The following SDF4 variants were observed in gnomAD, a reference collection of about 807,000 sequenced individuals.
The protein encoded by SDF4 is stromal cell derived factor 4, also known as 45 kDa calcium-binding protein.
In SDF4, 22 loss-of-function variants were observed where a neutral mutation model predicts 34.2. The observed-to-expected ratio is 0.64, with a 90% CI of 0.46 to 0.92. The LOEUF is 0.92. Ranked by LOEUF, SDF4 falls within the 40% of genes least tolerant of loss-of-function variation. The pLI, the probability that SDF4 is intolerant of heterozygous loss-of-function variation, is 0.00. For synonymous variants in SDF4, 236 were observed against 203.1 expected (o/e 1.16, Z -1.38); for missense variants, 447 against 499.9 (o/e 0.89, Z 1.01).
intron 4 of SDF4, chr1:1,219,521 G>A: frequency 2.0e-6 from 2 of 992,710 alleles, no homozygotes; most frequent in Non-Finnish European, 2.4e-6. Flanking sequence ...CTTCACGTGT[G>A]ACGTCACAGG....
In SDF4 at chr1:1,217,445, A is replaced by G; in HGVS notation, c.*67T>C. The G allele has an allele frequency of 3.0e-6, 4 of 1,311,536 alleles. No homozygotes were observed. Among genetic ancestry groups the G allele is most frequent in the Non-Finnish European group, 3.9e-6 (4 of 1,014,900 alleles). 81.2% of individuals were successfully genotyped at this position (1,311,536 alleles called of 1,614,324 possible). On this transcript the variant is annotated 3_prime_UTR_variant, in exon 7 of 7. Transcript: ENST00000360001. The surrounding 1 kb of genome is among the most constrained non-coding windows in gnomAD (Gnocchi z 8.5). ...GAGGTGGGGTCCGGGACAGCCACGGAGCCCGGAGTCACCCGCGAGGCCGCC... is the reference window on the plus strand; with the variant it reads ...GAGGTGGGGTCCGGGACAGCCACGGGGCCCGGAGTCACCCGCGAGGCCGCC...
intron 4 of SDF4, chr1:1,220,410 C>A: frequency 8.5e-7 from 1 of 1,172,252 alleles, no homozygotes; most frequent in South Asian, 1.7e-5. Flanking sequence ...ACGCGGTGAC[C>A]CTCGCAGGAG....
chr1:1,222,168 G>A (rs540815832), intron 4 of SDF4, among the ~76,000 whole-genome samples: 152 of 152,340 alleles, frequency 1.0e-3, no homozygotes, highest in South Asian at 1.9e-3. Flanking sequence ...AGGCGACTCT[G>A]CACGTTCTCC....
At position 1,228,735 on chromosome 1, in the gene SDF4, G is replaced by A. The variant is rs774281829; in HGVS notation, c.38C>T (p.Pro13Leu). 6 of 1,612,340 alleles carry A rather than the reference G, an allele frequency of 3.7e-6. No individual in the cohort carries two copies. Among genetic ancestry groups the A allele is most frequent in the Admixed American group, 1.7e-5 (1 of 59,982 alleles). Residue 13 changes from proline (P) to leucine (L), a missense_variant, in exon 2 of 7, where the codon CCG becomes CTG. Physicochemically the swap from Pro to Leu is moderately conservative, Grantham distance 98. Transcript: ENST00000360001. ...TGCCCCCAGGAGCCAGAGGCAGCACGGAGCCAGGCCAATGAGGGGACCCCA... is the reference window on the plus strand; with the variant it reads ...TGCCCCCAGGAGCCAGAGGCAGCACAGAGCCAGGCCAATGAGGGGACCCCA... Reference protein sequence around the residue: ...SRWGPLIGLAPCCLWLLGAVL... With the variant: ...SRWGPLIGLALCCLWLLGAVL...
Position 1,216,997 on chromosome 1 carries a change from C to T in SDF4, c.*515G>A, listed in dbSNP as rs1292528415. The stretch of plus-strand genomic sequence containing the variant: ...ATTTGCATTTTCTCAGCGGCAGCTG[C>T]GGGACCTGGGTGGCTCCGACACGCC... On this transcript the variant is annotated 3_prime_UTR_variant, in exon 7 of 7. Coordinates refer to ENST00000360001, the MANE Select transcript of SDF4 (RefSeq NM_016176.6). 2 of 152,230 alleles carry T rather than the reference C, an allele frequency of 1.3e-5. No homozygotes were observed. Among genetic ancestry groups the T allele is most frequent in the East Asian group, 1.9e-4 (1 of 5,206 alleles). 9.4% of individuals were successfully genotyped at this position (152,230 alleles called of 1,614,324 possible). A position where few individuals can be genotyped will look rare whatever the true frequency, so the allele number is the denominator to read the frequency against.
chr1:1,230,933 G>A (rs1322850689), intron 1 of SDF4, among the ~76,000 whole-genome samples: 1 of 152,218 alleles, frequency 6.6e-6, no homozygotes, highest in Admixed American at 6.5e-5. Flanking sequence ...CAAAGAGACT[G>A]TACTTTGTTC....
At chr1:1,219,125 A>C in intron 4 of SDF4, 198 bp from the exon 5 acceptor site, 1 of 1,490,448 alleles carries the variant, frequency 6.7e-7, no homozygotes, top group Non-Finnish European at 9.0e-7. Flanking sequence ...GACATAACCC[A>C]GAGCCTCCCA....
chr1:1,218,369 G>T lies in SDF4; in HGVS notation c.891+89C>A. ...GAGTCTCAGGCCAGACACCAGCACA[G>T]CTTCCTGCCTCAGGCCCAGATCCAC... On this transcript the variant is annotated intron_variant, in intron 6 of 6. Transcript: ENST00000360001. The surrounding 1 kb of genome is among the most constrained non-coding windows in gnomAD (Gnocchi z 7.9). 1 of 1,412,720 alleles carries T rather than the reference G, an allele frequency of 7.1e-7. No homozygotes were observed. The highest frequency in any genetic ancestry group is 2.0e-5 in the Admixed American group (1 of 50,192). 87.5% of individuals were successfully genotyped at this position (1,412,720 alleles called of 1,614,324 possible).
In SDF4 at chr1:1,218,648, T is replaced by G. The variant is rs1227478140; in HGVS notation, c.716-15A>C. 6.2e-7 allele frequency: 1 copy of G among 1,613,594 alleles called. No homozygotes were observed. Among genetic ancestry groups the G allele is most frequent in the South Asian group, 1.1e-5 (1 of 91,078 alleles). ...ACCGTCCTGGTCTGCGAGACGGGAA[T>G]GGGTCAGCCCACACCCAGGCTGGGG... On this transcript the variant is annotated splice_polypyrimidine_tract_variant and intron_variant, in intron 5 of 6. Coordinates refer to ENST00000360001, the MANE Select transcript of SDF4 (RefSeq NM_016176.6). The surrounding 1 kb of genome is among the most constrained non-coding windows in gnomAD (Gnocchi z 7.9).
intron 4 of SDF4, chr1:1,221,033 T>C (rs993081448): frequency 2.9e-6 from 1 of 346,418 alleles, no homozygotes; most frequent in South Asian, 2.2e-5. Context: ...GGCAGGCAGA[T>C]CCCTTTAGCC....
At position 1,217,667 on chromosome 1, in the gene SDF4, C is replaced by T. The variant is rs201770843; in HGVS notation, c.913G>A (p.Glu305Lys). The T allele has an allele frequency of 2.9e-5, 47 of 1,613,738 alleles. No individual in the cohort carries two copies. Among genetic ancestry groups the T allele is most frequent in the Non-Finnish European group, 3.6e-5 (42 of 1,179,956 alleles). ...TTGGCCTCGTTCAGCGCGTTGTACT[C>T]GTTCATGGGGTCCATGTAGCTCTGC... Reference protein sequence around the residue: ...ELESYMDPMNEYNALNEAKQM... With the variant: ...ELESYMDPMNKYNALNEAKQM... The change falls in exon 7 of 7, where the codon GAG (glutamate) becomes AAG (lysine). Residue 305 changes from glutamate to lysine, a missense_variant. Physicochemically the swap from Glu to Lys is moderately conservative, Grantham distance 56. Coordinates refer to ENST00000360001, the MANE Select transcript of SDF4 (RefSeq NM_016176.6). This position sits in a 1 kb window ranked among gnomAD's most constrained non-coding sequence, Gnocchi z 8.5.
intron 2 of SDF4, among the ~76,000 whole-genome samples, chr1:1,224,343 A>C (rs866651034): frequency 1.3e-5 from 2 of 152,110 alleles, no homozygotes; most frequent in Non-Finnish European, 2.9e-5. Context: ...GTGGTGGCGC[A>C]ATCTTTGCTC....
At chr1:1,228,328 C>T (rs111374773) in intron 2 of SDF4, 140 bp downstream of exon 2, 4 of 935,762 alleles carry the variant, frequency 4.3e-6, no homozygotes, top group African/African-American at 3.3e-5. Flanking sequence ...CTGGAAGTGG[C>T]GCTCATCACC....
Position 1,217,443 on chromosome 1 carries a change from G to A in SDF4, c.*69C>T, listed in dbSNP as rs574661699. 3,313 of 1,292,364 alleles carry A rather than the reference G, an allele frequency of 2.6e-3. 6 individuals are homozygous for A. Among genetic ancestry groups the A allele is most frequent in the Non-Finnish European group, 2.6e-3 (2,601 of 1,003,102 alleles). The allele number at this position is 1,292,364 out of a possible 1,614,324, so 80.1% of individuals were successfully genotyped here. On this transcript the variant is annotated 3_prime_UTR_variant, in exon 7 of 7. Coordinates refer to ENST00000360001, the MANE Select transcript of SDF4 (RefSeq NM_016176.6). This position sits in a 1 kb window ranked among gnomAD's most constrained non-coding sequence, Gnocchi z 8.5. ...AAGAGGTGGGGTCCGGGACAGCCAC[G>A]GAGCCCGGAGTCACCCGCGAGGCCG... is the stretch of plus-strand genomic sequence containing the variant.
intron 1 of SDF4, among the ~76,000 whole-genome samples, chr1:1,230,641 T>C (rs1402908439): frequency 6.6e-6 from 1 of 152,172 alleles, no homozygotes; most frequent in East Asian, 1.9e-4. Flanking sequence ...GTATTTTTAG[T>C]AGAGATGGGG....
intron 4 of SDF4, chr1:1,219,400 G>A (rs1649768093): frequency 9.7e-7 from 1 of 1,029,836 alleles, no homozygotes; most frequent in Non-Finnish European, 1.2e-6. Flanking sequence ...GGATGGGCCT[G>A]GGCCCCACCC....
chr1:1,217,483 G>A lies in SDF4; in HGVS notation c.*29C>T, dbSNP rs374555877. On this transcript the variant is annotated 3_prime_UTR_variant, in exon 7 of 7. Coordinates refer to ENST00000360001, the MANE Select transcript of SDF4 (RefSeq NM_016176.6). The surrounding 1 kb of genome is among the most constrained non-coding windows in gnomAD (Gnocchi z 8.5). ...CCGCGAGGCCGCCCCGGTGGTGCGTGGGGGGCGGCGCGGGGCGCGGCCGGG... is the reference window on the plus strand; with the variant it reads ...CCGCGAGGCCGCCCCGGTGGTGCGTAGGGGGCGGCGCGGGGCGCGGCCGGG... 3.9e-5 allele frequency: 57 copies of A among 1,477,078 alleles called. No individual in the cohort carries two copies. Among genetic ancestry groups the A allele is most frequent in the African/African-American group, 2.3e-4 (16 of 69,682 alleles). 91.5% of individuals were successfully genotyped at this position (1,477,078 alleles called of 1,614,324 possible).
intron 2 of SDF4, among the ~76,000 whole-genome samples, chr1:1,224,630 G>A (rs753179375): frequency 6.6e-5 from 10 of 152,136 alleles, no homozygotes; most frequent in African/African-American, 2.4e-5. Context: ...CCTTCATATA[G>A]GCAGGACGCA....
At position 1,218,876 on chromosome 1, in the gene SDF4, G is replaced by A. The variant is rs752862512; in HGVS notation, c.608C>T (p.Pro203Leu). ...CTCCGTCAGCAGCAGGTCTGCAGGG[G>A]GGCTGTCCGCCTGGTACCAGCGGTC... Reference protein sequence around the residue: ...LKDRWYQADSPPADLLLTEEE... With the variant: ...LKDRWYQADSLPADLLLTEEE... The change falls in exon 5 of 7, where the codon CCC becomes CTC. Residue 203 changes from proline (P) to leucine (L), a missense_variant. Physicochemically the swap from Pro to Leu is moderately conservative, Grantham distance 98 (BLOSUM62 -3). Coordinates refer to ENST00000360001, the MANE Select transcript of SDF4 (RefSeq NM_016176.6). The surrounding 1 kb of genome is among the most constrained non-coding windows in gnomAD (Gnocchi z 7.9). 7.5e-6 allele frequency: 12 copies of A among 1,598,238 alleles called. No individual in the cohort carries two copies. The Admixed American group carries it at 1.5e-4, about 20-fold the overall frequency.
Sources: allele counts gnomAD v4.1 joint callset (sites outside exome capture counted in the v4.1 genomes callset), GRCh38; gene constraint gnomAD v4.1.1; non-coding constraint Gnocchi (gnomAD v3.1); transcripts MANE v1.5; gene names NCBI Gene and HGNC (gene_info 2026-07-23, HGNC 2026-07-21).